The following C5orf58 variants were observed in gnomAD, a reference collection of about 807,000 sequenced individuals.
C5orf58 encodes putative uncharacterized protein C5orf58.
C5orf58 carries 2 observed loss-of-function variants against 2.9 expected under a neutral mutation model. That is an observed-to-expected ratio of 0.69 (90% CI 0.28 to 2.18). The LOEUF (loss-of-function observed/expected upper bound fraction) is 2.18. Ranked by LOEUF, C5orf58 falls within the 30% of genes most tolerant of loss-of-function variation. The pLI, the probability that C5orf58 is intolerant of heterozygous loss-of-function variation, is 0.13. For synonymous variants in C5orf58, 37 were observed against 33.4 expected, an observed-to-expected ratio of 1.11 and a Z score of -0.37; for missense variants, 96 against 91.7, an observed-to-expected ratio of 1.05 and a Z score of -0.19.
At chr5:170,248,700 T>A, downstream of C5orf58, 1 of 1,612,016 alleles carries the variant, frequency 6.2e-7, no homozygotes, top group Non-Finnish European at 8.5e-7. Flanking sequence ...TAACTTGCTA[T>A]GGGTACCCTG....
At chr5:170,234,497 G>A (rs1561954085) in intron 2 of C5orf58, among the ~76,000 whole-genome samples, 1 of 152,174 alleles carries the variant, frequency 6.6e-6, no homozygotes, top group Non-Finnish European at 1.5e-5. Flanking sequence ...CATACTCTTA[G>A]TGGATTATAA....
downstream of C5orf58, among the ~76,000 whole-genome samples, chr5:170,249,362 G>GTATATATATA (rs72371153): frequency 0.01 from 1,130 of 108,086 alleles, 13 homozygotes; most frequent in African/African-American, 0.032. Context: ...GCATGCGTGT[G>GTATATATATA]TATATATATA....
intron 3 of C5orf58, among the ~76,000 whole-genome samples, chr5:170,236,619 C>T (rs1012051910): frequency 6.6e-6 from 1 of 152,176 alleles, no homozygotes; most frequent in African/African-American, 2.4e-5. Context: ...TCATTCCCCT[C>T]CTTTCCCCTC....
At chr5:170,248,457 A>G (rs1026459742), downstream of C5orf58, 5 of 401,480 alleles carry the variant, frequency 1.2e-5, no homozygotes, top group African/African-American at 8.6e-5. Context: ...ACAGTGCACT[A>G]CTAGACTTCA....
downstream of C5orf58, chr5:170,248,854 T>C (rs370371522): frequency 7.3e-5 from 118 of 1,606,184 alleles, no homozygotes; most frequent in Non-Finnish European, 9.1e-5. Flanking sequence ...GAGTCAACAT[T>C]GGAATGAAAA....
chr5:170,234,246 C>T, intron 2 of C5orf58, 48 bp downstream of exon 2: 2 of 1,161,664 alleles, frequency 1.7e-6, no homozygotes, highest in South Asian at 1.2e-5. Context: ...CCCATGACTG[C>T]CCACCTTTCA....
chr5:170,244,819 G>A (rs1761184752), intron 3 of C5orf58, among the ~76,000 whole-genome samples: 1 of 152,200 alleles, frequency 6.6e-6, no homozygotes, highest in Non-Finnish European at 1.5e-5. Context: ...TCTGTTGCTG[G>A]TGAGGAACTG....
chr5:170,234,248 C>A, intron 2 of C5orf58, 50 bp downstream of exon 2: 1 of 1,079,052 alleles, frequency 9.3e-7, no homozygotes. Context: ...CATGACTGCC[C>A]ACCTTTCACA....
chr5:170,248,891 A>G (rs950888876), downstream of C5orf58: 1 of 1,467,298 alleles, frequency 6.8e-7, no homozygotes, highest in Non-Finnish European at 9.5e-7. Flanking sequence ...CAGTTTTTTT[A>G]TCTGCATAAT....
rs562880117 is a variant in C5orf58, at chr5:170,244,564, A to G, written c.95-1398A>G. On this transcript the variant is annotated intron_variant, in intron 3 of 3. Coordinates refer to ENST00000593851, the MANE Select transcript of C5orf58 (RefSeq NM_001102609.3). ...TTGCTGATACCCTTTCTTCCAGTTGATCTCATCGGCTCCTGAGACTTCTGC... is the reference window on the plus strand; with the variant it reads ...TTGCTGATACCCTTTCTTCCAGTTGGTCTCATCGGCTCCTGAGACTTCTGC... Among the ~76,000 whole-genome samples the G allele has an allele frequency of 5.9e-5, 9 of 151,880 alleles. No homozygotes were observed. In the East Asian group the frequency reaches 1.7e-3, roughly 29 times the overall value.
downstream of C5orf58, chr5:170,250,984 G>A: frequency 3.3e-6 from 3 of 921,854 alleles, no homozygotes; most frequent in South Asian, 3.2e-5. Context: ...TGACAAACAT[G>A]TCAGTTGCAC....
At chr5:170,238,426 G>GGAA (rs1760832552) in intron 3 of C5orf58, among the ~76,000 whole-genome samples, 1 of 152,096 alleles carries the variant, frequency 6.6e-6, no homozygotes, top group African/African-American at 2.4e-5. Context: ...CAAAAGAGAT[G>GGAA]GAAAGTGTTG....
chr5:170,241,741 C>A, intron 3 of C5orf58, among the ~76,000 whole-genome samples: 1 of 144,116 alleles, frequency 6.9e-6, no homozygotes, highest in African/African-American at 2.7e-5. Context: ...AATTTGACTT[C>A]CTCTTTTCCT....
At chr5:170,234,401 A>C (rs114397186) in intron 2 of C5orf58, among the ~76,000 whole-genome samples, 3 of 152,338 alleles carry the variant, frequency 2.0e-5, no homozygotes, top group African/African-American at 4.8e-5. Flanking sequence ...ACTGTATAAC[A>C]TAGGAATGCG....
At chr5:170,241,841 T>C (rs1287065163) in intron 3 of C5orf58, among the ~76,000 whole-genome samples, 1 of 151,184 alleles carries the variant, frequency 6.6e-6, no homozygotes, top group Non-Finnish European at 1.5e-5. Context: ...AGAGAGGGCA[T>C]CCCTGTCTTG....
At chr5:170,235,979 C>A (rs1331556180) in intron 3 of C5orf58, among the ~76,000 whole-genome samples, 1 of 152,080 alleles carries the variant, frequency 6.6e-6, no homozygotes. Flanking sequence ...CTCTTTATTA[C>A]CCCTCATGAT....
At chr5:170,238,202 CAA>C (rs1760823294) in intron 3 of C5orf58, among the ~76,000 whole-genome samples, 1 of 151,732 alleles carries the variant, frequency 6.6e-6, no homozygotes, top group Non-Finnish European at 1.5e-5. Context: ...GAGGAAGAAA[CAA>C]ATAATGAGGG....
At chr5:170,233,393 C>T (rs936981317) in intron 1 of C5orf58, 2 of 152,254 alleles carry the variant, frequency 1.3e-5, no homozygotes, top group African/African-American at 4.8e-5. Context: ...TTGGGCCGCT[C>T]ATGGCCCCAA....
At chr5:170,245,919 C>A (rs747863824) in intron 3 of C5orf58, 43 bp from the exon 4 acceptor site, 5 of 1,557,652 alleles carry the variant, frequency 3.2e-6, no homozygotes, top group Non-Finnish European at 3.5e-6. Context: ...TTTTTTATGA[C>A]ATATGTGCTA....
Sources: allele counts gnomAD v4.1 joint callset (sites outside exome capture counted in the v4.1 genomes callset), GRCh38; gene constraint gnomAD v4.1.1; transcripts MANE v1.5; gene names NCBI Gene and HGNC (gene_info 2026-07-23, HGNC 2026-07-21).